Variants in CELF2 observed in about 807,000 individuals in gnomAD.
CELF2 encodes the protein CUG triplet repeat RNA-binding protein 2.
A neutral mutation model predicts 62.6 loss-of-function variants in CELF2; 8 were observed. The ratio of observed to expected loss-of-function variants is 0.13; its 90% CI spans 0.07 to 0.23. The LOEUF (loss-of-function observed/expected upper bound fraction) is 0.23. Among genes scored for constraint, CELF2 ranks in the 10% least tolerant of loss-of-function variants. The pLI is 1.00. For synonymous variants in CELF2, 258 were observed against 250.0 expected (o/e 1.03, Z -0.30); for missense variants, 333 against 671.0 (o/e 0.50, Z 5.56).
At chr10:10,464,069 A>C in the CELF2 span, among the ~76,000 whole-genome samples, 6 of 151,900 alleles carry the variant, frequency 3.9e-5, no homozygotes, top group Admixed American at 2.6e-4. Flanking sequence ...CTCTATAGCT[A>C]TTCTATCTAA....
intron 1 of CELF2, among the ~76,000 whole-genome samples, chr10:11,088,556 A>C (rs1265560750): frequency 7.7e-5 from 5 of 65,144 alleles, no homozygotes; most frequent in African/African-American, 6.8e-4. Context: ...GGAAGAGCCT[A>C]GCAGAGCCGG....
the CELF2 span, among the ~76,000 whole-genome samples, chr10:10,487,268 T>C: frequency 6.6e-6 from 1 of 152,180 alleles, no homozygotes; most frequent in African/African-American, 2.4e-5. Flanking sequence ...AGTTGTAAAA[T>C]TTAAATTGTA....
chr10:10,695,655 A>G, the CELF2 span, among the ~76,000 whole-genome samples: 3 of 152,248 alleles, frequency 2.0e-5, no homozygotes, highest in South Asian at 6.2e-4. Context: ...AATCAGACGT[A>G]GATTTGGTCT....
At chr10:10,505,058 T>C in the CELF2 span, among the ~76,000 whole-genome samples, 1 of 152,206 alleles carries the variant, frequency 6.6e-6, no homozygotes, top group Non-Finnish European at 1.5e-5. Context: ...TTTCCATTCA[T>C]TTTGAGATCT....
intron 7 of CELF2, among the ~76,000 whole-genome samples, chr10:11,272,108 T>C (rs1357994228): frequency 1.3e-5 from 2 of 152,158 alleles, no homozygotes; most frequent in African/African-American, 4.8e-5. Context: ...ATATAATAGC[T>C]CTTCAGTACA....
chr10:11,172,661 G>C (rs1307694155), intron 2 of CELF2, among the ~76,000 whole-genome samples: 2 of 152,156 alleles, frequency 1.3e-5, no homozygotes, highest in African/African-American at 4.8e-5. Context: ...GGTACGTTTT[G>C]ATCCTTATAT....
At chr10:10,632,980 G>A in the CELF2 span, among the ~76,000 whole-genome samples, 1 of 152,150 alleles carries the variant, frequency 6.6e-6, no homozygotes, top group Non-Finnish European at 1.5e-5. Context: ...ATACAGAGAT[G>A]CCTCATTTTT....
At chr10:11,028,659 T>C (rs1318929924) in intron 1 of CELF2, among the ~76,000 whole-genome samples, 22 of 149,176 alleles carry the variant, frequency 1.5e-4, no homozygotes, top group Admixed American at 1.5e-3. Context: ...GACCTCATGA[T>C]CCACCTGCCT....
At chr10:10,756,302 A>C in the CELF2 span, among the ~76,000 whole-genome samples, 208 of 152,346 alleles carry the variant, frequency 1.4e-3, 1 homozygote, top group Admixed American at 2.7e-3. Flanking sequence ...GTGTTTAAGA[A>C]AATTTATCTT....
At chr10:11,048,724 A>T (rs778563470) in intron 1 of CELF2, among the ~76,000 whole-genome samples, 1 of 152,262 alleles carries the variant, frequency 6.6e-6, no homozygotes, top group Non-Finnish European at 1.5e-5. Flanking sequence ...AACTGGATAC[A>T]TTACAGAGCA....
the CELF2 span, among the ~76,000 whole-genome samples, chr10:10,489,518 C>T: frequency 6.6e-6 from 1 of 152,038 alleles, no homozygotes; most frequent in South Asian, 2.1e-4. Flanking sequence ...AATTAGCTCT[C>T]CCATTTGTTC....
chr10:10,834,635 G>T (rs1230067961), intron 1 of CELF2, among the ~76,000 whole-genome samples: 3 of 152,092 alleles, frequency 2.0e-5, no homozygotes, highest in Admixed American at 6.5e-5. Context: ...TGGCTAGTAG[G>T]GACCATCCTG....
Position 11,321,238 on chromosome 10 carries a change from C to T in CELF2, c.1146C>T (p.Ala382=), listed in dbSNP as rs2095423463. ...GMAALNGGLG[A]TGLTNGTAGT... ...CGGCTCTGAATGGAGGACTTGGCGCCACAGGCTTGACGAATGGCACGGCTG... is the reference window on the plus strand; with the variant it reads ...CGGCTCTGAATGGAGGACTTGGCGCTACAGGCTTGACGAATGGCACGGCTG... Residue 382 remains alanine (A), a synonymous_variant, in exon 11 of 13, where the codon GCC becomes GCT. Coordinates refer to ENST00000633077, the MANE Select transcript of CELF2 (RefSeq NM_001326342.2). The surrounding 1 kb of genome is among the most constrained non-coding windows in gnomAD (Gnocchi z 6.2). The T allele has an allele frequency of 6.2e-7, 1 of 1,614,104 alleles. No homozygotes were observed. Among genetic ancestry groups the T allele is most frequent in the Non-Finnish European group, 8.5e-7 (1 of 1,180,034 alleles).
the CELF2 span, among the ~76,000 whole-genome samples, chr10:10,536,202 T>A: frequency 6.6e-6 from 1 of 152,012 alleles, no homozygotes; most frequent in Non-Finnish European, 1.5e-5. Context: ...GTATTTTTAG[T>A]AGAGATGGGG....
rs553831640 is a variant in CELF2 at position 11,262,940 on chromosome 10, CTTTTTTTTTTTTT to C, written c.539-3643_539-3631del. On this transcript the variant is annotated intron_variant, in intron 5 of 12. Coordinates refer to ENST00000633077, the MANE Select transcript of CELF2 (RefSeq NM_001326342.2). ...GTTCATGCTTTTAAAAGTGGCTTTA[CTTTTTTTTTTTTT>C]TTTTTTTTTTTTTTGGTGCAGAGCA... 2.5e-3 allele frequency among the ~76,000 whole-genome samples: 131 copies of C among 52,772 alleles called. 4 individuals are homozygous for C. The highest frequency in any genetic ancestry group is 7.8e-3 in the Admixed American group (24 of 3,082). The allele number at this position is 52,772 out of a possible 152,430, so 34.6% of individuals were successfully genotyped here. A position where few individuals can be genotyped will look rare whatever the true frequency, so the allele number is the denominator to read the frequency against.
At chr10:11,076,043 C>T (rs1419311000) in intron 1 of CELF2, among the ~76,000 whole-genome samples, 5 of 151,738 alleles carry the variant, frequency 3.3e-5, no homozygotes, top group African/African-American at 1.2e-4. Flanking sequence ...TTGAATTATT[C>T]AGAAGGAAAA....
At chr10:11,292,221 C>A (rs1187018516) in intron 9 of CELF2, among the ~76,000 whole-genome samples, 7 of 152,210 alleles carry the variant, frequency 4.6e-5, no homozygotes, top group African/African-American at 1.7e-4. Context: ...CACCAAGCTT[C>A]AAGGAAATGG....
the CELF2 span, among the ~76,000 whole-genome samples, chr10:10,498,858 A>C: frequency 5.9e-5 from 9 of 152,200 alleles, no homozygotes; most frequent in Admixed American, 5.2e-4. Flanking sequence ...TACAAATTAG[A>C]GAAGGACCAC....
rs1476235979 is a variant in CELF2 at position 10,995,783 on chromosome 10, C to G, written c.89+75784C>G. ...TATGAGGTCTGATGGCCTCAACTAA[C>G]GTAGTAGAGATGGGAGGAAGTGGTT... On this transcript the variant is annotated intron_variant, in intron 2 of 13. Coordinates refer to the CELF2 transcript ENST00000636488. The surrounding 1 kb of genome is among the most constrained non-coding windows in gnomAD (Gnocchi z 4.7). Among the ~76,000 whole-genome samples the G allele has an allele frequency of 1.3e-5, 2 of 152,120 alleles. No homozygotes were observed. Among genetic ancestry groups the G allele is most frequent in the Non-Finnish European group, 2.9e-5 (2 of 68,020 alleles).
Sources: gnomAD v4.1 joint callset for allele counts (sites outside exome capture counted in the v4.1 genomes callset) on GRCh38, gnomAD v4.1.1 for gene constraint, Gnocchi (gnomAD v3.1) non-coding constraint, MANE v1.5 for transcripts, NCBI Gene and HGNC (gene_info 2026-07-23, HGNC 2026-07-21) for gene names.